C10orf67: variants seen among roughly 807,000 people sequenced by gnomAD.
C10orf67 encodes the protein uncharacterized protein C10orf67, mitochondrial.
A neutral mutation model predicts 35.6 loss-of-function variants in C10orf67; 60 were observed. The ratio of observed to expected loss-of-function variants is 1.68; its 90% confidence interval spans 1.37 to 2.09. The LOEUF is 2.09. Ranked by LOEUF, C10orf67 falls within the 30% of genes most tolerant of loss-of-function variation. The pLI is 0.00. For synonymous variants in C10orf67, 167 were observed against 115.8 expected, an observed-to-expected ratio of 1.44 and a Z score of -2.84; for missense variants, 474 against 330.2, an observed-to-expected ratio of 1.44 and a Z score of -3.38.
In C10orf67 at chr10:23,241,372, A is replaced by G. The variant is rs533692715; in HGVS notation, c.1347-1556T>C. 4.3e-4 allele frequency among the ~76,000 whole-genome samples: 65 copies of G among 152,334 alleles called. 2 individuals are homozygous for G. In the South Asian group the frequency reaches 0.013, roughly 30 times the overall value. On this transcript the variant is annotated intron_variant, in intron 12 of 15. Coordinates refer to ENST00000636213, the MANE Select transcript of C10orf67 (RefSeq NM_001371909.1). ...ATGCAAACTAGGACTTCTGAAGCTG[A>G]TAACACTTAGATGAAAGTTTGGACT...
chr10:23,344,229 G>C (rs1846045134), intron 1 of C10orf67: 1 of 272,692 alleles, frequency 3.7e-6, no homozygotes, highest in Non-Finnish European at 6.8e-6. Flanking sequence ...GGATGGGGGG[G>C]AAGGGGAGAG....
chr10:23,269,137 C>T (rs1437515043), intron 8 of C10orf67, among the ~76,000 whole-genome samples: 4 of 152,138 alleles, frequency 2.6e-5, no homozygotes, highest in African/African-American at 4.8e-5. Flanking sequence ...GACTGAAGAG[C>T]ATCAGAAAAT....
At chr10:23,213,929 A>G (rs572116784) in intron 15 of C10orf67, among the ~76,000 whole-genome samples, 1 of 152,240 alleles carries the variant, frequency 6.6e-6, no homozygotes, top group Non-Finnish European at 1.5e-5. Context: ...AAAAGAAAAA[A>G]GTTATCACTT....
At chr10:23,264,578 G>A (rs977493307) in intron 10 of C10orf67, among the ~76,000 whole-genome samples, 5 of 152,224 alleles carry the variant, frequency 3.3e-5, no homozygotes, top group African/African-American at 7.2e-5. Context: ...TTGCATTTTC[G>A]GTGGGGAACA....
At chr10:23,323,578 T>C (rs1845042542) in intron 2 of C10orf67, among the ~76,000 whole-genome samples, 1 of 152,084 alleles carries the variant, frequency 6.6e-6, no homozygotes, top group African/African-American at 2.4e-5. Context: ...CATGGGAACA[T>C]AGTCCTACAT....
chr10:23,240,539 A>C (rs1352954396), intron 12 of C10orf67, among the ~76,000 whole-genome samples: 3 of 152,208 alleles, frequency 2.0e-5, no homozygotes, highest in Non-Finnish European at 4.4e-5. Context: ...GTGTGTTGAA[A>C]CATCACACAT....
At chr10:23,245,659 C>T (rs1842298319) in intron 12 of C10orf67, among the ~76,000 whole-genome samples, 3 of 152,156 alleles carry the variant, frequency 2.0e-5, no homozygotes, top group Admixed American at 6.5e-5. Context: ...TAAGATATCA[C>T]CTCACTCTTG....
intron 4 of C10orf67, among the ~76,000 whole-genome samples, chr10:23,320,355 T>C (rs767980631): frequency 6.6e-6 from 1 of 152,172 alleles, no homozygotes; most frequent in African/African-American, 2.4e-5. Flanking sequence ...GTCTGGCAGA[T>C]AGAAATGTCC....
intron 8 of C10orf67, 53 bp from the exon 9 acceptor site, chr10:23,267,307 G>C: frequency 1.5e-6 from 1 of 656,944 alleles, no homozygotes; most frequent in Non-Finnish European, 2.8e-6. Context: ...GATTAAAAAA[G>C]ACAATTTTCT....
Position 23,312,632 on chromosome 10 carries a change from A to ACACTTATATATACACATT in C10orf67, c.546+8091_546+8108dup, listed in dbSNP as rs537938059. Reference sequence around the variant, plus strand: ...CTAGGATATACATAAATGTATCTACACACTTATATATACACATTCACATAC... The same window carrying ACACTTATATATACACATT: ...CTAGGATATACATAAATGTATCTACACACTTATATATACACATTCACTTATATATACACATTCACATAC... On this transcript the variant is annotated intron_variant, in intron 4 of 15. Coordinates refer to ENST00000636213, the MANE Select transcript of C10orf67 (RefSeq NM_001371909.1). Among the ~76,000 whole-genome samples, 11 of 152,330 alleles carry ACACTTATATATACACATT rather than the reference A, an allele frequency of 7.2e-5. No homozygotes were observed. The South Asian group carries it at 2.3e-3, about 32-fold the overall frequency.
In C10orf67 at chr10:23,210,221, G is replaced by T. The variant is rs573102340; in HGVS notation, c.1571-5966C>A. 3.3e-5 allele frequency among the ~76,000 whole-genome samples: 5 copies of T among 152,210 alleles called. No individual in the cohort carries two copies. The East Asian group carries it at 9.7e-4, about 29-fold the overall frequency. Reference sequence around the variant, plus strand: ...GCAGGTTCTGATTTCCCTCAAGCAGGTTCACATCAAAAGGAAGGAGGGGCA... The same window carrying T: ...GCAGGTTCTGATTTCCCTCAAGCAGTTTCACATCAAAAGGAAGGAGGGGCA... On this transcript the variant is annotated intron_variant, in intron 15 of 15. Transcript: ENST00000636213.
intron 4 of C10orf67, among the ~76,000 whole-genome samples, chr10:23,308,131 C>T (rs1314934904): frequency 2.0e-5 from 3 of 152,164 alleles, no homozygotes; most frequent in East Asian, 3.9e-4. Flanking sequence ...TTAACAGCAG[C>T]ATAAGCCAGA....
intron 12 of C10orf67, 32 bp from the exon 13 acceptor site, chr10:23,239,848 G>T: frequency 1.7e-6 from 1 of 598,986 alleles, no homozygotes. Context: ...AACTTAAAAT[G>T]TATGTAAATC....
chr10:23,298,571 G>A (rs1198658258), intron 5 of C10orf67, among the ~76,000 whole-genome samples: 18 of 152,150 alleles, frequency 1.2e-4, no homozygotes, highest in South Asian at 4.2e-4. Context: ...CTATTTCGCC[G>A]TACCTGGGAA....
intron 10 of C10orf67, among the ~76,000 whole-genome samples, chr10:23,265,024 C>T (rs1001009568): frequency 7.9e-5 from 12 of 152,240 alleles, no homozygotes; most frequent in East Asian, 1.9e-4. Flanking sequence ...ACTTCTAGAA[C>T]GTAGTCACTG....
At chr10:23,296,857 T>C (rs961512436) in intron 5 of C10orf67, among the ~76,000 whole-genome samples, 2 of 152,232 alleles carry the variant, frequency 1.3e-5, no homozygotes, top group Non-Finnish European at 2.9e-5. Flanking sequence ...GATTATTTCT[T>C]TGGCACACTT....
chr10:23,246,911 C>A (rs1202084243), intron 12 of C10orf67, among the ~76,000 whole-genome samples: 1 of 152,086 alleles, frequency 6.6e-6, no homozygotes, highest in African/African-American at 2.4e-5. Context: ...GCAGCCTCAA[C>A]CTCCTGGGCT....
At chr10:23,213,133 G>A (rs1734746511) in intron 15 of C10orf67, among the ~76,000 whole-genome samples, 1 of 152,118 alleles carries the variant, frequency 6.6e-6, no homozygotes, top group African/African-American at 2.4e-5. Flanking sequence ...ACTAAAACAT[G>A]GGATAAACTG....
intron 10 of C10orf67, among the ~76,000 whole-genome samples, chr10:23,255,238 G>A (rs574799345): frequency 6.6e-6 from 1 of 152,244 alleles, no homozygotes; most frequent in South Asian, 2.1e-4. Flanking sequence ...CATGACGGGG[G>A]CCAAAAATCA....
Sources: allele counts gnomAD v4.1 joint callset (sites outside exome capture counted in the v4.1 genomes callset), GRCh38; gene constraint gnomAD v4.1.1; transcripts MANE v1.5; gene names NCBI Gene and HGNC (gene_info 2026-07-23, HGNC 2026-07-21).